Variants in CSMD1 observed in about 807,000 individuals in gnomAD.
CSMD1 encodes the protein CUB and Sushi multiple domains 1.
CSMD1 carries 213 observed loss-of-function variants against 417.5 expected under a neutral mutation model. That is an observed-to-expected ratio of 0.51 (90% CI 0.46 to 0.57). CSMD1 has a LOEUF of 0.57. Ranked by LOEUF, CSMD1 falls within the 20% of genes least tolerant of loss-of-function variation. CSMD1 has a pLI of 0.00. For missense variants in CSMD1, 6,923 were observed against 4,529.7 expected (o/e 1.53, Z -15.17); for synonymous variants, 2,862 against 1,736.8 (o/e 1.65, Z -16.11).
At chr8:4,921,053 G>A (rs74463910) in intron 1 of CSMD1, among the ~76,000 whole-genome samples, 3 of 119,164 alleles carry the variant, frequency 2.5e-5, no homozygotes, top group Non-Finnish European at 3.7e-5. Flanking sequence ...AGAAAGAAAA[G>A]AGAAAGAAAA....
At chr8:4,832,347 G>GGT (rs1800204609) in intron 1 of CSMD1, among the ~76,000 whole-genome samples, 1 of 152,112 alleles carries the variant, frequency 6.6e-6, no homozygotes, top group Non-Finnish European at 1.5e-5. Context: ...ATGCCTGAGT[G>GGT]GTATGCTACA....
rs112496758 is a variant in CSMD1 at position 4,047,756 on chromosome 8, AT to A, written c.416-15658del. ...GAAAAATAAATCAAGAGAAAATGGT[AT>A]TTTTTTGATAGGAATAGGTAGAGAA... On this transcript the variant is annotated intron_variant, in intron 3 of 69. Coordinates refer to ENST00000635120, the MANE Select transcript of CSMD1 (RefSeq NM_033225.6). Among the ~76,000 whole-genome samples the A allele has an allele frequency of 9.5e-3, 1,440 of 152,160 alleles. 17 individuals carry two copies. Among genetic ancestry groups the A allele is most frequent in the African/African-American group, 0.02 (847 of 41,500 alleles).
At chr8:3,488,306 T>A (rs1296291419) in intron 11 of CSMD1, among the ~76,000 whole-genome samples, 1 of 152,002 alleles carries the variant, frequency 6.6e-6, no homozygotes, top group Non-Finnish European at 1.5e-5. Context: ...CGGAGTTTCA[T>A]CCTGTTGCCC....
intron 7 of CSMD1, among the ~76,000 whole-genome samples, chr8:3,617,621 C>G (rs1317668563): frequency 1.3e-5 from 2 of 152,134 alleles, no homozygotes; most frequent in African/African-American, 2.4e-5. Context: ...ATTTCTGTGT[C>G]CAGGTTTCAA....
intron 5 of CSMD1, among the ~76,000 whole-genome samples, chr8:3,924,727 C>A (rs576738755): frequency 6.1e-4 from 92 of 152,058 alleles, no homozygotes; most frequent in Non-Finnish European, 1.1e-3. Context: ...ATAATGTTCA[C>A]CTCTTTGTTG....
chr8:4,762,284 T>C (rs188164665), intron 1 of CSMD1, among the ~76,000 whole-genome samples: 11 of 152,180 alleles, frequency 7.2e-5, no homozygotes, highest in African/African-American at 1.7e-4. Context: ...TTACGGGTAA[T>C]TGGGGAGAGA....
chr8:4,051,880 CT>C (rs61550073), intron 3 of CSMD1, among the ~76,000 whole-genome samples: 14 of 41,832 alleles, frequency 3.3e-4, no homozygotes, highest in African/African-American at 1.6e-3. Context: ...TTCCTCCTTT[CT>C]TCCTTCCTTC....
intron 37 of CSMD1, among the ~76,000 whole-genome samples, chr8:3,174,044 C>A (rs1207309696): frequency 1.3e-5 from 2 of 152,164 alleles, no homozygotes; most frequent in African/African-American, 4.8e-5. Context: ...GGAGCTCATA[C>A]ATCAGTGAAA....
Position 3,879,663 on chromosome 8 carries a change from C to T in CSMD1, c.818+118240G>A, listed in dbSNP as rs116981920. 8.0e-3 allele frequency among the ~76,000 whole-genome samples: 1,212 copies of T among 152,164 alleles called. 13 individuals carry two copies. The highest frequency in any genetic ancestry group is 0.014 in the Non-Finnish European group (921 of 67,988). ...CAAACATCTTTTTCTGTGTAGACAC[C>T]AATATTTCTTGACGTCACATAGTTC... is the stretch of plus-strand genomic sequence containing the variant. On this transcript the variant is annotated intron_variant, in intron 5 of 69. Coordinates refer to ENST00000635120, the MANE Select transcript of CSMD1 (RefSeq NM_033225.6).
chr8:4,615,985 C>A lies in CSMD1; in HGVS notation c.302+21357G>T, dbSNP rs373127141. 3.7e-4 allele frequency among the ~76,000 whole-genome samples: 57 copies of A among 152,182 alleles called. 1 individual carries two copies. Among genetic ancestry groups the A allele is most frequent in the East Asian group, 2.3e-3 (12 of 5,168 alleles). The stretch of plus-strand genomic sequence containing the variant: ...CTTTTTCAAATTCTTCTGTAAAAAA[C>A]CACATCACCTTTTCGGTTAGATAAT... On this transcript the variant is annotated intron_variant, in intron 2 of 69. Transcript: ENST00000635120.
chr8:3,375,950 C>G (rs1810277605), intron 18 of CSMD1, among the ~76,000 whole-genome samples: 1 of 152,154 alleles, frequency 6.6e-6, no homozygotes, highest in Admixed American at 6.6e-5. Flanking sequence ...AAAGATGTAT[C>G]TCCAAAATTG....
At chr8:3,481,877 T>C (rs1381123314) in intron 11 of CSMD1, among the ~76,000 whole-genome samples, 2 of 152,206 alleles carry the variant, frequency 1.3e-5, no homozygotes, top group East Asian at 3.8e-4. Context: ...CTTGGACTTC[T>C]GGTTTCCAGA....
intron 1 of CSMD1, among the ~76,000 whole-genome samples, chr8:4,724,273 T>C (rs939671408): frequency 6.6e-6 from 1 of 152,122 alleles, no homozygotes; most frequent in Non-Finnish European, 1.5e-5. Flanking sequence ...AATACTGATA[T>C]ATAAGCTATG....
At chr8:4,177,028 G>T (rs182184856) in intron 3 of CSMD1, among the ~76,000 whole-genome samples, 1 of 152,034 alleles carries the variant, frequency 6.6e-6, no homozygotes, top group African/African-American at 2.4e-5. Flanking sequence ...CAACGAGACA[G>T]AAAGTCAACA....
chr8:4,195,082 C>G (rs1464622387), intron 3 of CSMD1, among the ~76,000 whole-genome samples: 1 of 152,186 alleles, frequency 6.6e-6, no homozygotes, highest in Non-Finnish European at 1.5e-5. Flanking sequence ...GCCTAGAATT[C>G]TGCCCATGAA....
chr8:4,462,848 T>G (rs1349983193), intron 2 of CSMD1, among the ~76,000 whole-genome samples: 1 of 152,070 alleles, frequency 6.6e-6, no homozygotes, highest in Non-Finnish European at 1.5e-5. Context: ...ATGTAAGAAG[T>G]GCAGCTCAAA....
intron 3 of CSMD1, among the ~76,000 whole-genome samples, chr8:4,362,754 C>G (rs1801845387): frequency 6.6e-6 from 1 of 152,108 alleles, no homozygotes; most frequent in Non-Finnish European, 1.5e-5. Context: ...TTTTTACTTA[C>G]TGAGCAATTT....
At chr8:3,900,720 G>A (rs977923081) in intron 5 of CSMD1, among the ~76,000 whole-genome samples, 1 of 151,982 alleles carries the variant, frequency 6.6e-6, no homozygotes, top group Non-Finnish European at 1.5e-5. Context: ...CTGTGTAGCT[G>A]GGTGACACTA....
At chr8:4,614,572 C>T (rs1338390382) in intron 2 of CSMD1, among the ~76,000 whole-genome samples, 2 of 152,022 alleles carry the variant, frequency 1.3e-5, no homozygotes, top group Non-Finnish European at 2.9e-5. Context: ...AAACCTAGAA[C>T]ATAGAACACA....
Sources: gnomAD v4.1 joint callset for allele counts (sites outside exome capture counted in the v4.1 genomes callset) on GRCh38, gnomAD v4.1.1 for gene constraint, MANE v1.5 for transcripts, NCBI Gene and HGNC (gene_info 2026-07-23, HGNC 2026-07-21) for gene names.